KCNIP4: variants seen among roughly 807,000 people sequenced by gnomAD.
KCNIP4 encodes Kv channel-interacting protein 4.
Under a neutral mutation model 34.0 loss-of-function variants are expected in KCNIP4, and 12 were observed. The ratio of observed to expected loss-of-function variants is 0.35; its 90% confidence interval spans 0.23 to 0.57. The LOEUF is 0.57. Among genes scored for constraint, KCNIP4 ranks in the 20% least tolerant of loss-of-function variants. The pLI is 0.83. For synonymous variants in KCNIP4, 124 were observed against 102.2 expected (o/e 1.21, Z -1.29); for missense variants, 238 against 311.7 (o/e 0.76, Z 1.78).
chr4:21,788,796 C>T (rs1445883796), intron 1 of KCNIP4, among the ~76,000 whole-genome samples: 12 of 152,034 alleles, frequency 7.9e-5, no homozygotes, highest in East Asian at 3.9e-4. Context: ...TCTAGCTGGC[C>T]GGTTGTGGTG....
intron 1 of KCNIP4, among the ~76,000 whole-genome samples, chr4:21,579,896 G>C (rs181239522): frequency 6.6e-6 from 1 of 152,158 alleles, no homozygotes; most frequent in Non-Finnish European, 1.5e-5. Context: ...TAGCTGATTT[G>C]GATGCTTTCC....
intron 1 of KCNIP4, among the ~76,000 whole-genome samples, chr4:21,828,258 A>G (rs1302777672): frequency 2.0e-5 from 3 of 151,804 alleles, no homozygotes; most frequent in Non-Finnish European, 2.9e-5. Context: ...TAGACACAGT[A>G]TATTAGAACT....
intron 1 of KCNIP4, among the ~76,000 whole-genome samples, chr4:21,861,424 G>A (rs1026670582): frequency 1.3e-5 from 2 of 152,166 alleles, no homozygotes; most frequent in African/African-American, 4.8e-5. Flanking sequence ...GGCCAAGGCA[G>A]GTGGATCACC....
At chr4:21,080,407 C>G (rs146397620) in intron 1 of KCNIP4, among the ~76,000 whole-genome samples, 1 of 151,810 alleles carries the variant, frequency 6.6e-6, no homozygotes, top group African/African-American at 2.4e-5. Context: ...TCAGTTCAAA[C>G]GCCAATTCTT....
intron 1 of KCNIP4, among the ~76,000 whole-genome samples, chr4:21,156,981 C>A (rs1441693086): frequency 6.6e-6 from 1 of 152,034 alleles, no homozygotes; most frequent in African/African-American, 2.4e-5. Flanking sequence ...TAATTCCCCC[C>A]AAGCTTTTCT....
At chr4:21,422,192 C>T (rs2109630064) in intron 1 of KCNIP4, among the ~76,000 whole-genome samples, 1 of 147,926 alleles carries the variant, frequency 6.8e-6, no homozygotes, top group South Asian at 2.2e-4. Flanking sequence ...ATTTCTGCAG[C>T]CTACTTTTTT....
chr4:21,277,856 A>G (rs562559466), intron 1 of KCNIP4, among the ~76,000 whole-genome samples: 43 of 152,314 alleles, frequency 2.8e-4, no homozygotes, highest in African/African-American at 1.0e-3. Flanking sequence ...ACTGAGGCAC[A>G]TTTTTCTGAA....
At chr4:20,817,184 T>A (rs1716506880) in intron 3 of KCNIP4, among the ~76,000 whole-genome samples, 1 of 152,174 alleles carries the variant, frequency 6.6e-6, no homozygotes, top group Non-Finnish European at 1.5e-5. Flanking sequence ...GAATTTAAAT[T>A]TTAGTAATTC....
At chr4:21,179,080 G>A (rs539061673) in intron 1 of KCNIP4, among the ~76,000 whole-genome samples, 2 of 152,100 alleles carry the variant, frequency 1.3e-5, no homozygotes, top group Non-Finnish European at 2.9e-5. Flanking sequence ...GCCTCCCAAA[G>A]TGCTGTGATT....
At chr4:21,852,620 A>G (rs1724481753) in intron 1 of KCNIP4, 1 of 152,184 alleles carries the variant, frequency 6.6e-6, no homozygotes, top group Admixed American at 6.5e-5. Flanking sequence ...CCCAGCAGAG[A>G]ATACCAAGTC....
At position 21,147,868 on chromosome 4, in the gene KCNIP4, A is replaced by G. The variant is rs367645590; in HGVS notation, c.62-265159T>C. On this transcript the variant is annotated intron_variant, in intron 1 of 8. Coordinates refer to ENST00000382152, the MANE Select transcript of KCNIP4 (RefSeq NM_025221.6). ...GTGGGAGAATTGCTTGAACCTGGGA[A>G]GCAGATGTTGCAGTGAGCCAAGATC... is the stretch of plus-strand genomic sequence containing the variant. 1.8e-3 allele frequency among the ~76,000 whole-genome samples: 260 copies of G among 146,278 alleles called. 2 individuals are homozygous for G. Among genetic ancestry groups the G allele is most frequent in the African/African-American group, 6.2e-3 (241 of 39,042 alleles).
At chr4:21,558,511 A>AATAAATAAATAAATAT (rs1452592631) in intron 1 of KCNIP4, among the ~76,000 whole-genome samples, 1 of 151,570 alleles carries the variant, frequency 6.6e-6, no homozygotes, top group African/African-American at 2.4e-5. Flanking sequence ...TAAATAAATA[A>AATAAATAAATAAATAT]ATATATAAAT....
chr4:20,885,275 C>T (rs772061084), intron 1 of KCNIP4, among the ~76,000 whole-genome samples: 11 of 151,614 alleles, frequency 7.3e-5, no homozygotes, highest in African/African-American at 9.7e-5. Flanking sequence ...CCGTTATTCT[C>T]GAGGTCATGA....
chr4:20,899,999 G>A (rs1054540332), intron 1 of KCNIP4, among the ~76,000 whole-genome samples: 3 of 152,170 alleles, frequency 2.0e-5, no homozygotes, highest in Non-Finnish European at 4.4e-5. Flanking sequence ...TATTAAGTCT[G>A]CCCTGATACT....
chr4:21,887,372 G>C (rs1416057069), intron 1 of KCNIP4, among the ~76,000 whole-genome samples: 1 of 152,024 alleles, frequency 6.6e-6, no homozygotes, highest in African/African-American at 2.4e-5. Context: ...TAGCTCTCTG[G>C]TATCTTCTTA....
At chr4:21,019,316 C>T (rs543176246) in intron 1 of KCNIP4, among the ~76,000 whole-genome samples, 1 of 151,880 alleles carries the variant, frequency 6.6e-6, no homozygotes, top group African/African-American at 2.4e-5. Flanking sequence ...CCACCACGTC[C>T]GGCTAATTTT....
chr4:21,510,960 C>A (rs866613659), intron 1 of KCNIP4, among the ~76,000 whole-genome samples: 1 of 152,102 alleles, frequency 6.6e-6, no homozygotes. Flanking sequence ...ATGAGAATTG[C>A]TTGAACTCGG....
intron 1 of KCNIP4, among the ~76,000 whole-genome samples, chr4:21,578,294 C>A (rs1045015122): frequency 7.6e-6 from 1 of 132,086 alleles, no homozygotes; most frequent in African/African-American, 2.9e-5. Context: ...GATTGCGCCA[C>A]TGCACTCCAA....
chr4:20,972,242 C>G (rs1735029655), intron 1 of KCNIP4, among the ~76,000 whole-genome samples: 1 of 152,160 alleles, frequency 6.6e-6, no homozygotes, highest in African/African-American at 2.4e-5. Flanking sequence ...TGTGGAAGTT[C>G]TTAATGGCAT....
Sources: gnomAD v4.1 joint callset for allele counts (sites outside exome capture counted in the v4.1 genomes callset) on GRCh38, gnomAD v4.1.1 for gene constraint, MANE v1.5 for transcripts, NCBI Gene and HGNC (gene_info 2026-07-23, HGNC 2026-07-21) for gene names.